ARMC2: variants seen among roughly 807,000 people sequenced by gnomAD.
ARMC2 encodes the protein armadillo repeat-containing protein 2.
A neutral mutation model predicts 90.3 loss-of-function variants in ARMC2; 67 were observed. The ratio of observed to expected loss-of-function variants is 0.74; its 90% CI spans 0.61 to 0.91. The LOEUF (loss-of-function observed/expected upper bound fraction) is 0.91. ARMC2 is among the 40% of genes least tolerant of loss of function. ARMC2 has a pLI of 0.00. For synonymous variants in ARMC2, 393 were observed against 393.0 expected, an observed-to-expected ratio of 1.00 and a Z score of 0.00; for missense variants, 920 against 1,030.9, an observed-to-expected ratio of 0.89 and a Z score of 1.47.
At chr6:109,013,164 A>C in the ARMC2 span, among the ~76,000 whole-genome samples, 62 of 152,270 alleles carry the variant, frequency 4.1e-4, no homozygotes, top group Non-Finnish European at 1.2e-4. Flanking sequence ...TACGGATTTC[A>C]TTCTTAAGGG....
intron 5 of ARMC2, among the ~76,000 whole-genome samples, chr6:108,881,967 C>T (rs1249389072): frequency 2.6e-5 from 4 of 151,978 alleles, no homozygotes. Flanking sequence ...AAGATAAATA[C>T]TATTAAGATA....
At chr6:108,941,984 C>G (rs911475) in intron 12 of ARMC2, among the ~76,000 whole-genome samples, 1 of 152,088 alleles carries the variant, frequency 6.6e-6, no homozygotes, top group Non-Finnish European at 1.5e-5. Flanking sequence ...GTTTAGGCTA[C>G]AAGGAAGTAG....
intron 8 of ARMC2, among the ~76,000 whole-genome samples, chr6:108,904,903 G>A (rs1223916893): frequency 1.3e-5 from 2 of 152,144 alleles, no homozygotes; most frequent in Non-Finnish European, 2.9e-5. Context: ...GCTGCGTGTG[G>A]TCACAGGAAG....
intron 5 of ARMC2, among the ~76,000 whole-genome samples, chr6:108,888,450 CTT>C (rs1486755600): frequency 6.6e-6 from 1 of 152,098 alleles, no homozygotes; most frequent in African/African-American, 2.4e-5. Context: ...TAGGAGATGA[CTT>C]TATGTGGGGA....
At chr6:108,888,752 G>T (rs1463420273) in intron 5 of ARMC2, among the ~76,000 whole-genome samples, 1 of 152,248 alleles carries the variant, frequency 6.6e-6, no homozygotes, top group South Asian at 2.1e-4. Flanking sequence ...GCTACATTCT[G>T]TTATTTCCTC....
intron 3 of ARMC2, 90 bp downstream of exon 3, chr6:108,858,361 A>T: frequency 1.1e-6 from 1 of 897,914 alleles, no homozygotes; most frequent in Non-Finnish European, 1.7e-6. Flanking sequence ...TATATATGCT[A>T]TGATAATTAT....
At chr6:109,014,629 G>GTTTGT in the ARMC2 span, among the ~76,000 whole-genome samples, 7 of 152,210 alleles carry the variant, frequency 4.6e-5, no homozygotes, top group Non-Finnish European at 8.8e-5. Context: ...TTTTTTGTTT[G>GTTTGT]TTTGTTTTGT....
chr6:108,967,566 C>A (rs956253), intron 17 of ARMC2, among the ~76,000 whole-genome samples: 5,751 of 152,182 alleles, frequency 0.038, 186 homozygotes, highest in African/African-American at 0.083. Flanking sequence ...ACACAGATGC[C>A]CAAGTGCCTG....
chr6:109,051,561 TA>T, the ARMC2 span, among the ~76,000 whole-genome samples: 3 of 152,188 alleles, frequency 2.0e-5, no homozygotes, highest in African/African-American at 4.8e-5. Flanking sequence ...GAAAAACACT[TA>T]AAAGCTTGTA....
intron 11 of ARMC2, among the ~76,000 whole-genome samples, chr6:108,928,892 T>C (rs994645373): frequency 2.6e-5 from 4 of 152,328 alleles, no homozygotes; most frequent in South Asian, 4.1e-4. Flanking sequence ...ATGTTGTAGT[T>C]GTAAAGAAAT....
intron 12 of ARMC2, among the ~76,000 whole-genome samples, chr6:108,942,151 G>A (rs113172851): frequency 4.6e-5 from 7 of 152,276 alleles, no homozygotes; most frequent in African/African-American, 9.6e-5. Flanking sequence ...CTGATAGACC[G>A]AGATGATGCT....
the ARMC2 span, among the ~76,000 whole-genome samples, chr6:109,036,298 T>C: frequency 2.0e-5 from 3 of 152,236 alleles, no homozygotes; most frequent in South Asian, 6.2e-4. Flanking sequence ...CTTTTGTGGG[T>C]TGGCTTTACG....
chr6:108,901,253 A>G (rs144043601), intron 7 of ARMC2, among the ~76,000 whole-genome samples: 5,480 of 150,650 alleles, frequency 0.036, 299 homozygotes, highest in African/African-American at 0.11. Context: ...AGCTGGGACT[A>G]TAGGCACCCG....
the ARMC2 span, among the ~76,000 whole-genome samples, chr6:109,030,441 G>T: frequency 1.3e-5 from 2 of 152,300 alleles, no homozygotes; most frequent in South Asian, 2.1e-4. Context: ...AAAGACAGTA[G>T]AAGATTTATC....
At chr6:109,023,237 G>A in the ARMC2 span, among the ~76,000 whole-genome samples, 1 of 152,068 alleles carries the variant, frequency 6.6e-6, no homozygotes, top group East Asian at 1.9e-4. Flanking sequence ...GTTCCCCTTT[G>A]AAACTTTATA....
rs113617249 is a variant in ARMC2, at chr6:108,921,520, C to A, written c.1351-6568C>A. ...AAGAAAAGCTTAGACATGCATGTTA[C>A]CAGTGATTTCACATGTCTAGCAGCA... On this transcript the variant is annotated intron_variant, in intron 10 of 17. Transcript: ENST00000392644. 2.3e-3 allele frequency among the ~76,000 whole-genome samples: 345 copies of A among 152,304 alleles called. 1 individual carries two copies. The highest frequency in any genetic ancestry group is 8.0e-3 in the African/African-American group (333 of 41,546).
chr6:109,022,768 A>G, the ARMC2 span, among the ~76,000 whole-genome samples: 1 of 152,256 alleles, frequency 6.6e-6, no homozygotes. Flanking sequence ...CACCTTAGGT[A>G]CATGCTATCT....
At position 108,910,913 on chromosome 6, in the gene ARMC2, A is replaced by G. The variant is rs772460887; in HGVS notation, c.1038A>G (p.Arg346=). Reference sequence around the variant, plus strand: ...TTTCTCTGCAGCTTAAAGTGAGTAGAAAGAATCTTCTTAATGTCTGCAAAC... The same window carrying G: ...TTTCTCTGCAGCTTAAAGTGAGTAGGAAGAATCTTCTTAATGTCTGCAAAC... ...AKIILALKVS[R]KNLLNVCKLI... Residue 346 remains arginine, a synonymous_variant, in exon 9 of 18, where the codon AGA becomes AGG. Transcript: ENST00000392644. 6.5e-7 allele frequency: 1 copy of G among 1,550,364 alleles called. No homozygotes were observed. Among genetic ancestry groups the G allele is most frequent in the Admixed American group, 1.8e-5 (1 of 54,122 alleles).
At chr6:109,002,819 A>C in the ARMC2 span, among the ~76,000 whole-genome samples, 1 of 152,232 alleles carries the variant, frequency 6.6e-6, no homozygotes, top group African/African-American at 2.4e-5. Context: ...TTAGAATGTA[A>C]ATTTATGAAA....
Sources: gnomAD v4.1 joint callset for allele counts (sites outside exome capture counted in the v4.1 genomes callset) on GRCh38, gnomAD v4.1.1 for gene constraint, MANE v1.5 for transcripts, NCBI Gene and HGNC (gene_info 2026-07-23, HGNC 2026-07-21) for gene names.